Variants in LMTK3 observed in about 807,000 individuals in gnomAD.
The protein encoded by LMTK3 is serine/threonine-protein kinase LMTK3.
In LMTK3, 27 loss-of-function variants were observed where a neutral mutation model predicts 116.7. The observed-to-expected ratio is 0.23, with a 90% CI of 0.17 to 0.32. The LOEUF is 0.32. Among genes scored for constraint, LMTK3 ranks in the 10% least tolerant of loss-of-function variants. The pLI is 1.00. For missense variants in LMTK3, 1,764 were observed against 2,068.5 expected, an observed-to-expected ratio of 0.85 and a Z score of 2.86; for synonymous variants, 965 against 971.0, an observed-to-expected ratio of 0.99 and a Z score of 0.11.
chr19:48,503,004 G>A lies in LMTK3; in HGVS notation c.558-8C>T, dbSNP rs1972500465. The A allele has an allele frequency of 1.9e-6, 3 of 1,599,560 alleles. No individual in the cohort carries two copies. Among genetic ancestry groups the A allele is most frequent in the Non-Finnish European group, 2.6e-6 (3 of 1,168,252 alleles). ...TTGGGGTGCTGCAGGCTCCTGTGGAGTGAGGAGGTGGCTGAGTTGGGAAGG... is the reference window on the plus strand; with the variant it reads ...TTGGGGTGCTGCAGGCTCCTGTGGAATGAGGAGGTGGCTGAGTTGGGAAGG... On this transcript the variant is annotated splice_region_variant and splice_polypyrimidine_tract_variant and intron_variant, in intron 5 of 14. Coordinates refer to ENST00000600059, the MANE Select transcript of LMTK3 (RefSeq NM_001388485.1).
Position 48,506,269 on chromosome 19 carries a change from A to AAAT in LMTK3, c.557+2581_557+2582insATT, listed in dbSNP as rs1555902025. 7.2e-5 allele frequency among the ~76,000 whole-genome samples: 11 copies of AAAT among 151,966 alleles called. No homozygotes were observed. The East Asian group carries it at 1.9e-3, about 27-fold the overall frequency. ...TGAAGTGAGCCTTGAAAAAAAAAAA[A>AAAT]AAAGTATTTATTTATCTATTGTGTG... On this transcript the variant is annotated intron_variant, in intron 5 of 14. Coordinates refer to ENST00000600059, the MANE Select transcript of LMTK3 (RefSeq NM_001388485.1).
At position 48,500,042 on chromosome 19, in the gene LMTK3, G is replaced by A. The variant is rs965462552; in HGVS notation, c.1152-125C>T. The A allele has an allele frequency of 2.3e-6, 2 of 885,760 alleles. No homozygotes were observed. Among genetic ancestry groups the A allele is most frequent in the East Asian group, 2.8e-5 (1 of 35,452 alleles). 54.9% of individuals were successfully genotyped at this position (885,760 alleles called of 1,614,324 possible). A position where few individuals can be genotyped will look rare whatever the true frequency, so the allele number is the denominator to read the frequency against. ...AGAGGGTAACAGAGACCCAGAGAGA[G>A]GGGGACAGAGACCCAGAGAGAGGGG... On this transcript the variant is annotated intron_variant, in intron 10 of 14. Transcript: ENST00000600059. The surrounding 1 kb of genome is among the most constrained non-coding windows in gnomAD (Gnocchi z 4.0).
rs1234280882 is a variant in LMTK3, at chr19:48,498,899, G to C, written c.2170C>G (p.Pro724Ala). The part of the protein sequence containing the change: ...RGSLADLPMA[P>A]PASAPPEFLD... The stretch of plus-strand genomic sequence containing the variant: ...AACTCGGGGGGGGCCGAGGCGGGGG[G>C]GGCCATGGGCAAGTCGGCCAGGGAG... The change falls in exon 11 of 15, where the codon CCC becomes GCC. Residue 724 changes from proline to alanine, a missense_variant. Around this residue, in one of 7 missense-constraint regions of LMTK3, gnomAD observed 1,028 missense variants for 1,050.6 expected, o/e 0.98. Coordinates refer to ENST00000600059, the MANE Select transcript of LMTK3 (RefSeq NM_001388485.1). The C allele has an allele frequency of 8.2e-7, 1 of 1,222,784 alleles. No homozygotes were observed. The allele number at this position is 1,222,784 out of a possible 1,614,324, so 75.7% of individuals were successfully genotyped here.
At chr19:48,511,852 G>A (rs1601061276), upstream of LMTK3, 2 of 133,150 alleles carry the variant, frequency 1.5e-5, no homozygotes, top group Admixed American at 7.4e-5. Flanking sequence ...GAGAGGGTAG[G>A]ATGGGGGGGG....
At chr19:48,512,609 C>A (rs1044721657), upstream of LMTK3, among the ~76,000 whole-genome samples, 9 of 151,896 alleles carry the variant, frequency 5.9e-5, no homozygotes, top group Non-Finnish European at 7.4e-5. Flanking sequence ...AACATAGACA[C>A]GGACACAGCA....
chr19:48,513,538 A>G, upstream of LMTK3: 1 of 276,310 alleles, frequency 3.6e-6, no homozygotes, highest in Non-Finnish European at 7.0e-6. The surrounding 1 kb of genome is among the most constrained non-coding windows in gnomAD (Gnocchi z 5.6). Context: ...CCCGAGCTGC[A>G]GACACACCCG....
chr19:48,492,537 C>T (rs1410661483), intron 12 of LMTK3, among the ~76,000 whole-genome samples: 2 of 152,104 alleles, frequency 1.3e-5, no homozygotes, highest in African/African-American at 4.8e-5. Flanking sequence ...CCGTCCCAGT[C>T]GTTAGGTTCG....
chr19:48,493,677 C>T lies in LMTK3; in HGVS notation c.4092+17G>A. 6.4e-7 allele frequency: 1 copy of T among 1,556,548 alleles called. No individual in the cohort carries two copies. The highest frequency in any genetic ancestry group is 8.7e-7 in the Non-Finnish European group (1 of 1,151,822). ...CCAGGCCGCGACCCCGAAACCGCGC[C>T]CTCTCGGGTTCCGCACCTGGTCGAA... is the stretch of plus-strand genomic sequence containing the variant. On this transcript the variant is annotated intron_variant, in intron 12 of 14. Transcript: ENST00000600059.
intron 12 of LMTK3, 50 bp downstream of exon 12, chr19:48,493,644 T>A (rs1972268500): frequency 7.0e-7 from 1 of 1,438,710 alleles, no homozygotes; most frequent in Non-Finnish European, 9.3e-7. Flanking sequence ...TCTAGGCTCC[T>A]GCTCCCTCCA....
rs769539608 is a variant in LMTK3 at position 48,498,963 on chromosome 19, G to A, written c.2106C>T (p.His702=). The change falls in exon 11 of 15, where the codon CAC becomes CAT. Residue 702 remains histidine, a synonymous_variant. Transcript: ENST00000600059. ...WGGHPALGCP[H]PPEDDSSLRA... The stretch of plus-strand genomic sequence containing the variant: ...GCAGCGAGGAGTCGTCCTCGGGGGG[G>A]TGGGGGCAGCCAAGAGCAGGGTGGC... 6.6e-5 allele frequency: 88 copies of A among 1,328,268 alleles called. No homozygotes were observed. Among genetic ancestry groups the A allele is most frequent in the Non-Finnish European group, 8.0e-5 (83 of 1,041,660 alleles). 82.3% of individuals were successfully genotyped at this position (1,328,268 alleles called of 1,614,324 possible).
At chr19:48,504,856 G>A (rs556684031) in intron 5 of LMTK3, among the ~76,000 whole-genome samples, 93 of 152,026 alleles carry the variant, frequency 6.1e-4, no homozygotes, top group African/African-American at 2.2e-3. Flanking sequence ...GCTTCACCCT[G>A]CATTCTAAAT....
intron 2 of LMTK3, 74 bp downstream of exon 2, chr19:48,510,385 C>T: frequency 6.6e-7 from 1 of 1,516,852 alleles, no homozygotes; most frequent in Non-Finnish European, 8.9e-7. Flanking sequence ...CTTCTCCCCA[C>T]CAACCACCTG....
upstream of LMTK3, chr19:48,513,475 A>G: frequency 2.5e-6 from 1 of 406,272 alleles, no homozygotes; most frequent in East Asian, 4.6e-5. The surrounding 1 kb of genome is among the most constrained non-coding windows in gnomAD (Gnocchi z 5.6). Context: ...GGACACACAT[A>G]CATCACGTGC....
rs776993486 is a variant in LMTK3, at chr19:48,499,174, C to T, written c.1895G>A (p.Arg632Gln). 32 of 1,495,728 alleles carry T rather than the reference C, an allele frequency of 2.1e-5. No individual in the cohort carries two copies. The highest frequency in any genetic ancestry group is 2.8e-5 in the Non-Finnish European group (31 of 1,121,146). 92.7% of individuals were successfully genotyped at this position (1,495,728 alleles called of 1,614,324 possible). ...TTCTTCCACCCACGGGGCGGTCCCCCGCTCCCCCAAGACCTCGGCAGGGTC... is the reference window on the plus strand; with the variant it reads ...TTCTTCCACCCACGGGGCGGTCCCCTGCTCCCCCAAGACCTCGGCAGGGTC... ...AGDPAEVLGE[R>Q]GTAPWVEEEE... Residue 632 changes from arginine (R) to glutamine (Q), a missense_variant, in exon 11 of 15, where the codon CGG becomes CAG. Transcript: ENST00000600059.
intron 14 of LMTK3, 124 bp from the exon 15 acceptor site, chr19:48,485,913 C>T (rs1972114589): frequency 2.1e-6 from 2 of 939,992 alleles, no homozygotes; most frequent in African/African-American, 1.7e-5. Context: ...GCTCTGTTCC[C>T]TCTCTGTCCT....
rs752700723 is a variant in LMTK3, at chr19:48,491,389, AG to A, written c.4228+14del. On this transcript the variant is annotated intron_variant, in intron 13 of 14. Transcript: ENST00000600059. This position sits in a 1 kb window ranked among gnomAD's most constrained non-coding sequence, Gnocchi z 5.1. ...TGGCTCCCGCCCCCTCCCGCCCCAT[AG>A]GGCCCGTCCTCACCAAAGCCGCTGT... 121 of 1,368,330 alleles carry A rather than the reference AG, an allele frequency of 8.8e-5. 1 individual carries two copies. The highest frequency in any genetic ancestry group is 5.4e-4 in the Middle Eastern group (2 of 3,710). The allele number at this position is 1,368,330 out of a possible 1,614,324, so 84.8% of individuals were successfully genotyped here.
intron 14 of LMTK3, among the ~76,000 whole-genome samples, chr19:48,490,436 G>A (rs562439886): frequency 6.9e-6 from 1 of 145,186 alleles, no homozygotes; most frequent in Admixed American, 7.2e-5. Flanking sequence ...TGAGACACGA[G>A]AATCGTTTGA....
chr19:48,491,435 T>C lies in LMTK3; in HGVS notation c.4197A>G (p.Gly1399=). The C allele has an allele frequency of 7.1e-7, 1 of 1,408,412 alleles. No individual in the cohort carries two copies. The highest frequency in any genetic ancestry group is 9.3e-7 in the Non-Finnish European group (1 of 1,078,754). The allele number at this position is 1,408,412 out of a possible 1,614,324, so 87.2% of individuals were successfully genotyped here. A position where few individuals can be genotyped will look rare whatever the true frequency, so the allele number is the denominator to read the frequency against. The change falls in exon 13 of 15, where the codon GGA becomes GGG. Residue 1399 remains glycine (G), a synonymous_variant. Coordinates refer to ENST00000600059, the MANE Select transcript of LMTK3 (RefSeq NM_001388485.1). This position sits in a 1 kb window ranked among gnomAD's most constrained non-coding sequence, Gnocchi z 5.1. The stretch of plus-strand genomic sequence containing the variant: ...CGCTGTCGTTGCTGGGAAACCCATC[T>C]CCGGGGGTGGCGGGGTGGGGAGGTG... ...PPTPPHPATP[G]DGFPSNDSGF... is the part of the protein sequence containing the mutation.
rs1219459104 is a variant in LMTK3, at chr19:48,498,585, G to T, written c.2484C>A (p.Pro828=). 1 of 1,551,912 alleles carries T rather than the reference G, an allele frequency of 6.4e-7. No individual in the cohort carries two copies. The highest frequency in any genetic ancestry group is 8.7e-7 in the Non-Finnish European group (1 of 1,147,878). ...VPRPRAPPEP[P]DPGAPRPPPD... The stretch of plus-strand genomic sequence containing the variant: ...GAGGTGGCCGGGGCGCTCCTGGGTC[G>T]GGTGGCTCGGGGGGAGCCCGCGGCC... The change falls in exon 11 of 15, where the codon CCC becomes CCA. Residue 828 remains proline, a synonymous_variant. Transcript: ENST00000600059.
Sources: gnomAD v4.1 joint callset for allele counts (sites outside exome capture counted in the v4.1 genomes callset) on GRCh38, gnomAD v4.1.1 for gene constraint, gnomAD v4.1.1 regional missense constraint, Gnocchi (gnomAD v3.1) non-coding constraint, MANE v1.5 for transcripts, NCBI Gene and HGNC (gene_info 2026-07-23, HGNC 2026-07-21) for gene names.